Variants in ANK3 observed in about 807,000 individuals in gnomAD.
ANK3 encodes ankyrin-3.
ANK3 carries 57 observed loss-of-function variants against 370.9 expected under a neutral mutation model. The ratio of observed to expected loss-of-function variants is 0.15; its 90% confidence interval spans 0.12 to 0.19. ANK3 has a LOEUF of 0.19. Ranked by LOEUF, ANK3 falls within the 10% of genes least tolerant of loss-of-function variation. ANK3 has a pLI of 1.00. For missense variants in ANK3, 4,439 were observed against 5,302.1 expected, an observed-to-expected ratio of 0.84 and a Z score of 5.06; for synonymous variants, 1,929 against 1,946.3, an observed-to-expected ratio of 0.99 and a Z score of 0.23.
chr10:60,524,611 C>G (rs1300208242), intron 2 of ANK3, among the ~76,000 whole-genome samples: 1 of 152,098 alleles, frequency 6.6e-6, no homozygotes, highest in South Asian at 2.1e-4. Flanking sequence ...GCCTCCTCAG[C>G]CATGTGGAAC....
chr10:60,035,706 A>C (rs918838317), intron 43 of ANK3, among the ~76,000 whole-genome samples: 1 of 151,130 alleles, frequency 6.6e-6, no homozygotes, highest in African/African-American at 2.4e-5. Flanking sequence ...TAAGAAAAAA[A>C]AGGCGGGGTG....
intron 25 of ANK3, among the ~76,000 whole-genome samples, chr10:60,119,488 G>A (rs1224838658): frequency 1.3e-5 from 2 of 152,180 alleles, no homozygotes; most frequent in African/African-American, 4.8e-5. Flanking sequence ...ACAGGGCCAG[G>A]TGCGGTGGTG....
intron 39 of ANK3, 88 bp from the exon 40 acceptor site, chr10:60,063,342 G>T: frequency 7.3e-7 from 1 of 1,361,428 alleles, no homozygotes; most frequent in Non-Finnish European, 9.8e-7. Flanking sequence ...GGCTTTTGCA[G>T]CCCTGCTGAC....
chr10:60,693,335 C>T (rs2079387163), intron 1 of ANK3, among the ~76,000 whole-genome samples: 1 of 152,244 alleles, frequency 6.6e-6, no homozygotes. Flanking sequence ...GGGCGCCCGC[C>T]ATTGCCCAGG....
intron 1 of ANK3, among the ~76,000 whole-genome samples, chr10:60,338,409 C>T (rs990686): frequency 7.9e-5 from 12 of 152,142 alleles, no homozygotes; most frequent in Non-Finnish European, 1.8e-4. Context: ...CAAGAATGTG[C>T]ATTTATAACA....
Position 60,474,490 on chromosome 10 carries a change from G to A in ANK3, c.96+140696C>T, listed in dbSNP as rs12268751. Among the ~76,000 whole-genome samples the A allele has an allele frequency of 2.6e-3, 400 of 152,254 alleles. 3 individuals carry two copies. The highest frequency in any genetic ancestry group is 8.9e-3 in the African/African-American group (370 of 41,550). On this transcript the variant is annotated intron_variant, in intron 2 of 43. Coordinates refer to the ANK3 transcript ENST00000373827. ...TGGGGGTCAGTGATAGGAACAATGG[G>A]TTGAATCAAAGGAAAAACAAATTTC...
chr10:60,357,897 C>G (rs1208412644), intron 1 of ANK3, among the ~76,000 whole-genome samples: 3 of 152,058 alleles, frequency 2.0e-5, no homozygotes, highest in African/African-American at 7.2e-5. Context: ...CAGAAGCATC[C>G]CTGCCTTTCT....
At chr10:60,056,400 T>C (rs1157884607) in intron 41 of ANK3, among the ~76,000 whole-genome samples, 2 of 151,630 alleles carry the variant, frequency 1.3e-5, no homozygotes, top group African/African-American at 2.4e-5. Flanking sequence ...ACCCGGGAGG[T>C]GGAGGTTGCA....
In ANK3 at chr10:60,109,029, C is replaced by T; in HGVS notation, c.2974G>A (p.Ala992Thr). ...CTTCCTCTCATGGAGCCCCCTCTCG[C>T]GTCCACCATAAAGCTAACCAGAAAC... ...SGFLVSFMVD[A>T]RGGSMRGSRH... is the part of the protein sequence containing the mutation. Residue 992 changes from alanine (A) to threonine (T), a missense_variant, in exon 27 of 44, where the codon GCG becomes ACG. This residue lies in a region of ANK3 where 702 missense variants were observed against 941.5 expected (regional missense o/e 0.75). Coordinates refer to ENST00000280772, the MANE Select transcript of ANK3 (RefSeq NM_020987.5). The T allele has an allele frequency of 1.2e-6, 2 of 1,613,398 alleles. No individual in the cohort carries two copies. The highest frequency in any genetic ancestry group is 1.7e-6 in the Non-Finnish European group (2 of 1,179,936).
intron 1 of ANK3, among the ~76,000 whole-genome samples, chr10:60,714,819 G>T (rs929224824): frequency 6.6e-6 from 1 of 152,144 alleles, no homozygotes; most frequent in African/African-American, 2.4e-5. Context: ...GTTGCCAGGG[G>T]TTCATGGGCA....
chr10:60,418,886 T>C (rs1297239162), intron 2 of ANK3, among the ~76,000 whole-genome samples: 1 of 152,196 alleles, frequency 6.6e-6, no homozygotes, highest in Non-Finnish European at 1.5e-5. Context: ...CATAAAATTC[T>C]GTTTTCTTAA....
chr10:60,698,465 C>T (rs181594246), intron 1 of ANK3, among the ~76,000 whole-genome samples: 10 of 150,696 alleles, frequency 6.6e-5, no homozygotes, highest in East Asian at 1.9e-4. Context: ...ATGTTTATTG[C>T]GGCACTATTC....
At chr10:60,431,980 T>A (rs573163985) in intron 2 of ANK3, among the ~76,000 whole-genome samples, 51 of 152,224 alleles carry the variant, frequency 3.4e-4, no homozygotes, top group Non-Finnish European at 6.2e-4. Flanking sequence ...ATCCTACCTA[T>A]CTCATGAAAT....
At chr10:60,628,122 A>T (rs1184719641) in intron 1 of ANK3, among the ~76,000 whole-genome samples, 1 of 152,200 alleles carries the variant, frequency 6.6e-6, no homozygotes, top group African/African-American at 2.4e-5. Context: ...TTCATTTTAT[A>T]CTTTTCCTAA....
At position 60,031,572 on chromosome 10, in the gene ANK3, A is replaced by G. The variant is rs540034796; in HGVS notation, c.*20-1746T>C. Among the ~76,000 whole-genome samples the G allele has an allele frequency of 2.0e-5, 3 of 152,336 alleles. No homozygotes were observed. In the East Asian group the frequency reaches 5.8e-4, roughly 29 times the overall value. ...CTCCTATAGAAATCCTGAGTAAGGC[A>G]AGAACAATTTTAAGAATAACCCTGC... is the stretch of plus-strand genomic sequence containing the variant. On this transcript the variant is annotated intron_variant, in intron 43 of 43. Transcript: ENST00000280772.
rs147869200 is a variant in ANK3, at chr10:60,647,251, A to G, written c.58-32027T>C. ...AAATGATGTAATTTAGGTTATAATC[A>G]AGGAAGAAATTGCTCAGATCTCATT... is the stretch of plus-strand genomic sequence containing the variant. On this transcript the variant is annotated intron_variant, in intron 1 of 43. Coordinates refer to the ANK3 transcript ENST00000373827. 4.1e-4 allele frequency among the ~76,000 whole-genome samples: 62 copies of G among 152,316 alleles called. No individual in the cohort carries two copies. In the East Asian group the frequency reaches 0.011, roughly 27 times the overall value.
At chr10:60,542,875 G>T (rs1198198413) in intron 2 of ANK3, among the ~76,000 whole-genome samples, 2 of 151,896 alleles carry the variant, frequency 1.3e-5, no homozygotes, top group African/African-American at 4.8e-5. Context: ...GATGTTTAAA[G>T]CTGTGGGAGC....
intron 2 of ANK3, among the ~76,000 whole-genome samples, chr10:60,454,885 T>C (rs1308594061): frequency 6.6e-6 from 1 of 152,186 alleles, no homozygotes; most frequent in Non-Finnish European, 1.5e-5. Flanking sequence ...AATAGTTTTT[T>C]ATCACTCAAA....
intron 2 of ANK3, among the ~76,000 whole-genome samples, chr10:60,463,123 G>A (rs957892439): frequency 1.1e-4 from 17 of 151,982 alleles, no homozygotes; most frequent in African/African-American, 4.1e-4. Flanking sequence ...AAGCTGGTCT[G>A]GAAGTCCTGG....
Sources: gnomAD v4.1 joint callset for allele counts (sites outside exome capture counted in the v4.1 genomes callset) on GRCh38, gnomAD v4.1.1 for gene constraint, gnomAD v4.1.1 regional missense constraint, MANE v1.5 for transcripts, NCBI Gene and HGNC (gene_info 2026-07-23, HGNC 2026-07-21) for gene names.